The following EPHA3 variants were observed in gnomAD, a reference collection of about 807,000 sequenced individuals.
The protein encoded by EPHA3 is EPH receptor A3, also known as ephrin type-A receptor 3.
EPHA3 carries 42 observed loss-of-function variants against 107.1 expected under a neutral mutation model. That is an observed-to-expected ratio of 0.39 (90% CI 0.31 to 0.51). EPHA3 has a LOEUF of 0.51. Ranked by LOEUF, EPHA3 falls within the 20% of genes least tolerant of loss-of-function variation. EPHA3 has a pLI of 0.78. For synonymous variants in EPHA3, 461 were observed against 424.8 expected (o/e 1.09, Z -1.05); for missense variants, 1,183 against 1,211.2 (o/e 0.98, Z 0.35).
intron 13 of EPHA3, among the ~76,000 whole-genome samples, chr3:89,444,636 G>A (rs1035072666): frequency 3.3e-5 from 5 of 152,008 alleles, no homozygotes; most frequent in African/African-American, 1.2e-4. Flanking sequence ...TTGAAAGGAA[G>A]GAACAGGCAT....
At chr3:89,279,408 A>T (rs1281564244) in intron 3 of EPHA3, among the ~76,000 whole-genome samples, 3 of 152,142 alleles carry the variant, frequency 2.0e-5, no homozygotes, top group Non-Finnish European at 2.9e-5. Flanking sequence ...ATAATAACTT[A>T]TGTTTGCCAT....
intron 3 of EPHA3, among the ~76,000 whole-genome samples, chr3:89,295,793 T>G (rs900168511): frequency 1.3e-5 from 2 of 151,944 alleles, no homozygotes; most frequent in African/African-American, 4.8e-5. Flanking sequence ...TTTCCCTATG[T>G]TGGCCAGGCT....
At chr3:89,175,319 G>T (rs1312719396) in intron 2 of EPHA3, among the ~76,000 whole-genome samples, 1 of 151,996 alleles carries the variant, frequency 6.6e-6, no homozygotes, top group African/African-American at 2.4e-5. Flanking sequence ...AGTTGGAAAA[G>T]TGTCAATATT....
intron 2 of EPHA3, among the ~76,000 whole-genome samples, chr3:89,204,015 T>C (rs185103949): frequency 6.6e-6 from 1 of 152,262 alleles, no homozygotes; most frequent in Admixed American, 6.5e-5. Context: ...TAATAGCCTG[T>C]ATCTTGTTAA....
At chr3:89,377,728 C>G (rs1445709651) in intron 5 of EPHA3, among the ~76,000 whole-genome samples, 1 of 151,958 alleles carries the variant, frequency 6.6e-6, no homozygotes, top group Non-Finnish European at 1.5e-5. Context: ...ACAGACTGTG[C>G]GATGTGAATA....
chr3:89,343,733 T>G (rs1707583998), intron 5 of EPHA3, among the ~76,000 whole-genome samples: 1 of 152,236 alleles, frequency 6.6e-6, no homozygotes, highest in Non-Finnish European at 1.5e-5. Flanking sequence ...ATAAGTAAAC[T>G]TAATTTGTGG....
chr3:89,252,976 C>T (rs1214371690), intron 3 of EPHA3, among the ~76,000 whole-genome samples: 1 of 151,664 alleles, frequency 6.6e-6, no homozygotes, highest in Non-Finnish European at 1.5e-5. Flanking sequence ...TTTAAACTTG[C>T]TTTACTTCTC....
intron 2 of EPHA3, among the ~76,000 whole-genome samples, chr3:89,162,366 T>A (rs1704968472): frequency 6.6e-6 from 1 of 152,168 alleles, no homozygotes; most frequent in African/African-American, 2.4e-5. Flanking sequence ...AATAATCTAT[T>A]TCAGCCATTG....
At chr3:89,325,190 A>G (rs369050837) in intron 3 of EPHA3, among the ~76,000 whole-genome samples, 13 of 152,146 alleles carry the variant, frequency 8.5e-5, no homozygotes, top group African/African-American at 3.1e-4. Context: ...AGAATGATTT[A>G]TTTTATACTC....
At chr3:89,226,189 A>G (rs1428124631) in intron 3 of EPHA3, among the ~76,000 whole-genome samples, 1 of 152,150 alleles carries the variant, frequency 6.6e-6, no homozygotes, top group Non-Finnish European at 1.5e-5. Context: ...CTTATTTGCT[A>G]TGGGACTGTG....
At chr3:89,390,785 A>ACTT (rs777460537) in intron 5 of EPHA3, among the ~76,000 whole-genome samples, 2 of 132,136 alleles carry the variant, frequency 1.5e-5, no homozygotes, top group African/African-American at 5.6e-5. Flanking sequence ...ATTGAAAAGC[A>ACTT]TTTTTTTTTT....
intron 3 of EPHA3, among the ~76,000 whole-genome samples, chr3:89,287,237 T>C (rs988978532): frequency 5.3e-5 from 8 of 151,886 alleles, no homozygotes; most frequent in African/African-American, 4.8e-5. Flanking sequence ...ACAACCCTGA[T>C]TGGTTAGCAT....
At chr3:89,122,187 A>G (rs1474645627) in intron 1 of EPHA3, among the ~76,000 whole-genome samples, 2 of 152,196 alleles carry the variant, frequency 1.3e-5, no homozygotes, top group African/African-American at 4.8e-5. Flanking sequence ...TGAAAATCAT[A>G]AAGATAAGTA....
intron 3 of EPHA3, among the ~76,000 whole-genome samples, chr3:89,320,809 A>T (rs1707025100): frequency 6.6e-6 from 1 of 152,044 alleles, no homozygotes; most frequent in Non-Finnish European, 1.5e-5. Context: ...CTATTCACCA[A>T]AATTACCCTA....
At chr3:89,229,692 T>G (rs1181935498) in intron 3 of EPHA3, among the ~76,000 whole-genome samples, 2 of 151,888 alleles carry the variant, frequency 1.3e-5, no homozygotes, top group Non-Finnish European at 2.9e-5. Flanking sequence ...CAATATATGA[T>G]AGATTCATCA....
chr3:89,144,190 A>G (rs2107023705), intron 2 of EPHA3, among the ~76,000 whole-genome samples: 1 of 151,788 alleles, frequency 6.6e-6, no homozygotes, highest in East Asian at 1.9e-4. Context: ...ATCATACAGA[A>G]TGGTTTAATT....
At chr3:89,111,517 C>CCA (rs930445180) in intron 1 of EPHA3, among the ~76,000 whole-genome samples, 1 of 138,680 alleles carries the variant, frequency 7.2e-6, no homozygotes, top group Non-Finnish European at 1.6e-5. Flanking sequence ...ATCCCCCCCC[C>CCA]ACCCCGCCTC....
intron 7 of EPHA3, among the ~76,000 whole-genome samples, chr3:89,401,764 C>T (rs1047615738): frequency 4.6e-5 from 7 of 152,044 alleles, no homozygotes; most frequent in East Asian, 1.9e-4. Context: ...CATGTGCCCA[C>T]GTCTGGCTAA....
intron 3 of EPHA3, among the ~76,000 whole-genome samples, chr3:89,241,116 T>C (rs796535429): frequency 6.6e-6 from 1 of 152,218 alleles, no homozygotes; most frequent in East Asian, 1.9e-4. Flanking sequence ...GTCAAATATC[T>C]AATATAAACA....
Sources: allele counts gnomAD v4.1 joint callset (sites outside exome capture counted in the v4.1 genomes callset), GRCh38; gene constraint gnomAD v4.1.1; transcripts MANE v1.5; gene names NCBI Gene and HGNC (gene_info 2026-07-23, HGNC 2026-07-21).